Variants in CCDC6 observed in about 807,000 individuals in gnomAD.
CCDC6 encodes coiled-coil domain containing 6, also known as coiled-coil domain-containing protein 6.
In CCDC6, 20 loss-of-function variants were observed where a neutral mutation model predicts 56.6. The observed-to-expected ratio is 0.35, with a 90% confidence interval of 0.25 to 0.51. The LOEUF (loss-of-function observed/expected upper bound fraction) is 0.51. CCDC6 is among the 20% of genes least tolerant of loss of function. The pLI, the probability that CCDC6 is intolerant of heterozygous loss-of-function variation, is 0.95. For missense variants in CCDC6, 367 were observed against 601.1 expected, an observed-to-expected ratio of 0.61 and a Z score of 4.07; for synonymous variants, 241 against 234.4, an observed-to-expected ratio of 1.03 and a Z score of -0.26.
intron 1 of CCDC6, among the ~76,000 whole-genome samples, chr10:59,861,981 T>A (rs1306767689): frequency 6.6e-6 from 1 of 152,108 alleles, no homozygotes; most frequent in South Asian, 2.1e-4. Flanking sequence ...CCAGTCAGGA[T>A]AAATTCAAAA....
chr10:59,890,667 G>A (rs1014259620), intron 1 of CCDC6, among the ~76,000 whole-genome samples: 1 of 152,076 alleles, frequency 6.6e-6, no homozygotes, highest in African/African-American at 2.4e-5. Flanking sequence ...ATTGCCCCAG[G>A]TTCACACAGC....
chr10:59,830,916 T>C (rs2070829981), intron 3 of CCDC6, among the ~76,000 whole-genome samples: 1 of 152,210 alleles, frequency 6.6e-6, no homozygotes, highest in Non-Finnish European at 1.5e-5. Flanking sequence ...ATTTAAAATA[T>C]TGACAACCAT....
intron 7 of CCDC6, among the ~76,000 whole-genome samples, chr10:59,795,659 T>C (rs1313107531): frequency 7.8e-6 from 1 of 127,904 alleles, no homozygotes. Context: ...GAGTGTGATG[T>C]TATTCCCCTT....
intron 1 of CCDC6, among the ~76,000 whole-genome samples, chr10:59,882,755 T>C (rs2071354099): frequency 6.6e-6 from 1 of 151,970 alleles, no homozygotes; most frequent in African/African-American, 2.4e-5. Flanking sequence ...GGTTAGGAGA[T>C]CGAGACCATT....
intron 5 of CCDC6, among the ~76,000 whole-genome samples, chr10:59,809,307 T>G (rs2070653209): frequency 6.6e-6 from 1 of 152,164 alleles, no homozygotes; most frequent in Non-Finnish European, 1.5e-5. Flanking sequence ...GAACAATAAC[T>G]TCAGAGAACA....
intron 1 of CCDC6, among the ~76,000 whole-genome samples, chr10:59,865,774 C>G (rs2071171522): frequency 6.9e-6 from 1 of 145,252 alleles, no homozygotes. Context: ...ATCGCTTGAA[C>G]CCAGGAGATA....
At chr10:59,829,145 T>G (rs181442201) in intron 3 of CCDC6, among the ~76,000 whole-genome samples, 5 of 152,320 alleles carry the variant, frequency 3.3e-5, no homozygotes, top group African/African-American at 1.2e-4. Context: ...TGCTGACATG[T>G]GAGTTAACTG....
chr10:59,895,899 C>G (rs1300305591), intron 1 of CCDC6, among the ~76,000 whole-genome samples: 1 of 152,172 alleles, frequency 6.6e-6, no homozygotes, highest in Non-Finnish European at 1.5e-5. Flanking sequence ...AAACTGAGAT[C>G]TGCCCTGTGG....
intron 1 of CCDC6, among the ~76,000 whole-genome samples, chr10:59,856,526 C>T (rs1428402913): frequency 6.6e-6 from 1 of 152,080 alleles, no homozygotes; most frequent in Admixed American, 6.6e-5. Flanking sequence ...CTGTTTATTC[C>T]CCCTTAATCC....
Position 59,855,274 on chromosome 10 carries a change from A to C in CCDC6, c.304-2572T>G, listed in dbSNP as rs2071072346. ...AAAAAGAACTTTCGGTAGAAAGTAC[A>C]TTGTGGCTCTAGGCCAGGCGCAGTG... On this transcript the variant is annotated intron_variant, in intron 1 of 8. Transcript: ENST00000263102. Among the ~76,000 whole-genome samples, 4 of 152,246 alleles carry C rather than the reference A, an allele frequency of 2.6e-5. No homozygotes were observed. The South Asian group carries it at 8.3e-4, about 31-fold the overall frequency.
intron 1 of CCDC6, among the ~76,000 whole-genome samples, chr10:59,881,031 C>G (rs1488385278): frequency 6.6e-6 from 1 of 151,992 alleles, no homozygotes; most frequent in African/African-American, 2.4e-5. Context: ...GCTGCACTCC[C>G]TTTATCTCCT....
At chr10:59,862,715 ACAT>A (rs2071144717) in intron 1 of CCDC6, among the ~76,000 whole-genome samples, 1 of 152,056 alleles carries the variant, frequency 6.6e-6, no homozygotes, top group South Asian at 2.1e-4. Flanking sequence ...ACAGTATCTG[ACAT>A]CCCAGATTGA....
chr10:59,805,593 T>C (rs746089910), intron 6 of CCDC6: 3 of 152,200 alleles, frequency 2.0e-5, no homozygotes, highest in African/African-American at 4.8e-5. Context: ...TATCTGAAGA[T>C]AGTTAATAAG....
intron 1 of CCDC6, among the ~76,000 whole-genome samples, chr10:59,868,095 T>G (rs1259015598): frequency 6.6e-6 from 1 of 152,122 alleles, no homozygotes; most frequent in Non-Finnish European, 1.5e-5. Context: ...CTAAATTGAT[T>G]GAGACCTGCT....
At chr10:59,824,312 G>C (rs2070769337) in intron 3 of CCDC6, among the ~76,000 whole-genome samples, 1 of 152,118 alleles carries the variant, frequency 6.6e-6, no homozygotes, top group Non-Finnish European at 1.5e-5. Context: ...CCAAAAAATG[G>C]ATTCCAAAAC....
At chr10:59,861,563 GT>G (rs1166210382) in intron 1 of CCDC6, among the ~76,000 whole-genome samples, 3 of 151,960 alleles carry the variant, frequency 2.0e-5, no homozygotes, top group Admixed American at 1.3e-4. Context: ...TGCTTAAGAT[GT>G]TTAAAGATCT....
At chr10:59,844,864 A>G (rs2070977731) in intron 2 of CCDC6, among the ~76,000 whole-genome samples, 1 of 152,080 alleles carries the variant, frequency 6.6e-6, no homozygotes, top group South Asian at 2.1e-4. Context: ...GTTTAGCCCA[A>G]AGAATTCATT....
At chr10:59,883,755 T>C (rs1431592562) in intron 1 of CCDC6, among the ~76,000 whole-genome samples, 8 of 152,196 alleles carry the variant, frequency 5.3e-5, no homozygotes, top group Non-Finnish European at 1.2e-4. Flanking sequence ...CCCTAAACTA[T>C]ATTTGAGAAC....
At chr10:59,809,610 C>T (rs1438336292) in intron 5 of CCDC6, among the ~76,000 whole-genome samples, 1 of 152,186 alleles carries the variant, frequency 6.6e-6, no homozygotes, top group Non-Finnish European at 1.5e-5. Context: ...CTCCTCCTTC[C>T]TCTTGCACAC....
Sources: gnomAD v4.1 joint callset for allele counts (sites outside exome capture counted in the v4.1 genomes callset) on GRCh38, gnomAD v4.1.1 for gene constraint, MANE v1.5 for transcripts, NCBI Gene and HGNC (gene_info 2026-07-23, HGNC 2026-07-21) for gene names.